Variants in POU3F3 observed in about 807,000 individuals in gnomAD.
The protein encoded by POU3F3 is POU class 3 homeobox 3.
POU3F3 carries 1 observed loss-of-function variant against 8.6 expected under a neutral mutation model. That is an observed-to-expected ratio of 0.12 (90% CI 0.04 to 0.55). The LOEUF is 0.55. Among genes scored for constraint, POU3F3 ranks in the 20% least tolerant of loss-of-function variants. The pLI is 0.91. For missense variants in POU3F3, 577 were observed against 690.7 expected (o/e 0.84, Z 1.84); for synonymous variants, 418 against 327.4 (o/e 1.28, Z -2.99).
chr2:104,856,679 G>A lies in POU3F3; in HGVS notation c.1169G>A (p.Ser390Asn). ...AAGTGGCTGGAGGAGGCGGACTCAA[G>A]CACCGGCAGCCCCACAAGCATCGAC... ...LNKWLEEADSSTGSPTSIDKI... is the reference protein window; with the variant it reads ...LNKWLEEADSNTGSPTSIDKI... Residue 390 changes from serine to asparagine, a missense_variant, in exon 1 of 1, where the codon AGC becomes AAC. Ser to Asn is a conservative substitution (Grantham distance 46). This residue lies in a region of POU3F3 where 15 missense variants were observed against 17.1 expected (regional missense o/e 0.88). Transcript: ENST00000361360. The A allele has an allele frequency of 1.9e-6, 3 of 1,614,180 alleles. No individual in the cohort carries two copies. The highest frequency in any genetic ancestry group is 2.5e-6 in the Non-Finnish European group (3 of 1,180,044).
At chr2:104,863,336 C>T (rs1422042107), downstream of POU3F3, among the ~76,000 whole-genome samples, 2 of 151,794 alleles carry the variant, frequency 1.3e-5, no homozygotes, top group Non-Finnish European at 2.9e-5. Context: ...TGAAAGTTTC[C>T]CTGGAAGGTT....
chr2:104,921,461 C>T, the POU3F3 span, among the ~76,000 whole-genome samples: 2 of 152,130 alleles, frequency 1.3e-5, no homozygotes, highest in African/African-American at 4.8e-5. Context: ...TAAATTATGG[C>T]TAGTTTTGAT....
rs1438265016 is a variant in POU3F3 at position 104,856,161 on chromosome 2, G to A, written c.651G>A (p.Pro217=). 8.0e-7 allele frequency: 1 copy of A among 1,254,776 alleles called. No homozygotes were observed. The highest frequency in any genetic ancestry group is 2.8e-5 in the South Asian group (1 of 35,794). The allele number at this position is 1,254,776 out of a possible 1,614,324, so 77.7% of individuals were successfully genotyped here. Residue 217 remains proline (P), a synonymous_variant, in exon 1 of 1, where the codon CCG becomes CCA. Transcript: ENST00000361360. The part of the protein sequence containing the change: ...PSMAGGQQPP[P]QSLLYSQPGG... ...TGGCCGGGGGCCAGCAGCCGCCGCC[G>A]CAGAGTCTGCTCTACTCGCAGCCCG...
the POU3F3 span, among the ~76,000 whole-genome samples, chr2:104,897,116 G>A: frequency 1.2e-4 from 19 of 152,290 alleles, no homozygotes; most frequent in African/African-American, 3.4e-4. Flanking sequence ...ATTGGGAAGG[G>A]GAGTTAACTC....
At chr2:104,865,254 G>C in the POU3F3 span, among the ~76,000 whole-genome samples, 1 of 152,174 alleles carries the variant, frequency 6.6e-6, no homozygotes, top group Non-Finnish European at 1.5e-5. Flanking sequence ...TTGAGGGAGA[G>C]TTGTCCAGAG....
chr2:104,887,790 A>G, the POU3F3 span, among the ~76,000 whole-genome samples: 1 of 152,212 alleles, frequency 6.6e-6, no homozygotes, highest in Non-Finnish European at 1.5e-5. Context: ...CCCAGCCACA[A>G]GGATGGATGC....
In POU3F3 at chr2:104,855,862, G is replaced by A; in HGVS notation, c.352G>A (p.Ala118Thr). 1 of 1,072,428 alleles carries A rather than the reference G, an allele frequency of 9.3e-7. No homozygotes were observed. The highest frequency in any genetic ancestry group is 1.1e-6 in the Non-Finnish European group (1 of 892,576). 66.4% of individuals were successfully genotyped at this position (1,072,428 alleles called of 1,614,324 possible). Reference sequence around the variant, plus strand: ...CGCTGCCGCCGCCGCCGCCGTGGAGGCGAGCTCGCCGTGGTCGGGCAGCGC... The same window carrying A: ...CGCTGCCGCCGCCGCCGCCGTGGAGACGAGCTCGCCGTGGTCGGGCAGCGC... ...AAAAAAAAVE[A>T]SSPWSGSAVG... Residue 118 changes from alanine to threonine, a missense_variant, in exon 1 of 1, where the codon GCG (alanine) becomes ACG (threonine). Coordinates refer to ENST00000361360, the MANE Select transcript of POU3F3 (RefSeq NM_006236.3).
At chr2:104,915,453 T>C in the POU3F3 span, among the ~76,000 whole-genome samples, 3 of 152,144 alleles carry the variant, frequency 2.0e-5, no homozygotes, top group African/African-American at 7.2e-5. Flanking sequence ...CTGGCAAAAT[T>C]ATGCCACACA....
chr2:104,903,243 A>G, the POU3F3 span, among the ~76,000 whole-genome samples: 1 of 152,352 alleles, frequency 6.6e-6, no homozygotes, highest in East Asian at 1.9e-4. Flanking sequence ...ATAAGACTTT[A>G]GAAATATTGC....
chr2:104,903,706 G>C, the POU3F3 span, among the ~76,000 whole-genome samples: 1 of 152,240 alleles, frequency 6.6e-6, no homozygotes, highest in Admixed American at 6.5e-5. Flanking sequence ...AAGTCAGGCA[G>C]TGGCAGGACA....
the POU3F3 span, among the ~76,000 whole-genome samples, chr2:104,876,732 G>A: frequency 2.0e-5 from 3 of 152,192 alleles, no homozygotes; most frequent in Non-Finnish European, 2.9e-5. Flanking sequence ...TTGGCGCATC[G>A]AACCACACTG....
At chr2:104,898,609 G>A in the POU3F3 span, among the ~76,000 whole-genome samples, 2 of 152,128 alleles carry the variant, frequency 1.3e-5, no homozygotes, top group African/African-American at 4.8e-5. Context: ...ATGAAGTAAA[G>A]CATATCATAG....
chr2:104,855,884 G>A lies in POU3F3; in HGVS notation c.374G>A (p.Ser125Asn). The A allele has an allele frequency of 9.4e-7, 1 of 1,059,790 alleles. No individual in the cohort carries two copies. The allele number at this position is 1,059,790 out of a possible 1,614,324, so 65.6% of individuals were successfully genotyped here. ...GAGGCGAGCTCGCCGTGGTCGGGCA[G>A]CGCCGTGGGCATGGCTGGCAGCCCC... ...AVEASSPWSGSAVGMAGSPQQ... is the reference protein window; with the variant it reads ...AVEASSPWSGNAVGMAGSPQQ... Residue 125 changes from serine (S) to asparagine (N), a missense_variant, in exon 1 of 1, where the codon AGC (serine) becomes AAC (asparagine). By Grantham distance (46) the Ser-to-Asn change is conservative. Coordinates refer to ENST00000361360, the MANE Select transcript of POU3F3 (RefSeq NM_006236.3).
the POU3F3 span, among the ~76,000 whole-genome samples, chr2:104,875,907 A>G: frequency 1.3e-5 from 2 of 152,100 alleles, no homozygotes; most frequent in Admixed American, 6.6e-5. Context: ...TAGTAGAGAC[A>G]GGGTTTCACC....
At chr2:104,905,906 A>G in the POU3F3 span, among the ~76,000 whole-genome samples, 1 of 152,296 alleles carries the variant, frequency 6.6e-6, no homozygotes, top group South Asian at 2.1e-4. Flanking sequence ...GGGGGTTTGA[A>G]CTTGAACACA....
At chr2:104,909,224 C>G in the POU3F3 span, among the ~76,000 whole-genome samples, 2 of 152,176 alleles carry the variant, frequency 1.3e-5, no homozygotes, top group South Asian at 2.1e-4. Flanking sequence ...TACCCCAGGG[C>G]CTTAGTCGGC....
At chr2:104,865,261 A>G in the POU3F3 span, 1 of 152,226 alleles carries the variant, frequency 6.6e-6, no homozygotes, top group African/African-American at 2.4e-5. Context: ...AGAGTTGTCC[A>G]GAGGAAGGTG....
the POU3F3 span, among the ~76,000 whole-genome samples, chr2:104,909,450 G>A: frequency 6.6e-6 from 1 of 152,272 alleles, no homozygotes; most frequent in Non-Finnish European, 1.5e-5. Flanking sequence ...TAAGAAGCCA[G>A]TGTCATGAGC....
chr2:104,892,635 T>TTA, the POU3F3 span, among the ~76,000 whole-genome samples: 88 of 150,276 alleles, frequency 5.9e-4, 1 homozygote, highest in East Asian at 5.1e-3. Context: ...CTGGCTGATT[T>TTA]TATATATATA....
Sources: allele counts gnomAD v4.1 joint callset (sites outside exome capture counted in the v4.1 genomes callset), GRCh38; gene constraint gnomAD v4.1.1; regional missense constraint gnomAD v4.1.1; transcripts MANE v1.5; gene names NCBI Gene and HGNC (gene_info 2026-07-23, HGNC 2026-07-21).